ASIC2: variants seen among roughly 807,000 people sequenced by gnomAD.
ASIC2 encodes the protein acid-sensing ion channel 2.
Under a neutral mutation model 57.3 loss-of-function variants are expected in ASIC2, and 25 were observed. That is an observed-to-expected ratio of 0.44 (90% CI 0.32 to 0.61). ASIC2 has a LOEUF of 0.61. Ranked by LOEUF, ASIC2 falls within the 20% of genes least tolerant of loss-of-function variation. The pLI is 0.06. For synonymous variants in ASIC2, 319 were observed against 307.5 expected (o/e 1.04, Z -0.39); for missense variants, 641 against 738.1 (o/e 0.87, Z 1.52).
chr17:33,799,156 C>A (rs1425488180), intron 1 of ASIC2, among the ~76,000 whole-genome samples: 1 of 152,204 alleles, frequency 6.6e-6, no homozygotes, highest in Non-Finnish European at 1.5e-5. Context: ...ACCTTTACGC[C>A]TAGGGCTAGG....
Position 33,660,287 on chromosome 17 carries a change from T to A in ASIC2, c.555+495691A>T, listed in dbSNP as rs190279294. Among the ~76,000 whole-genome samples the A allele has an allele frequency of 2.3e-3, 344 of 152,274 alleles. 2 individuals carry two copies. Among genetic ancestry groups the A allele is most frequent in the South Asian group, 3.7e-3 (18 of 4,822 alleles). ...AAATTTACAAAAAACTATTTTTCTT[T>A]CTTCAACAATAAATTAACCTTAGCT... On this transcript the variant is annotated intron_variant, in intron 1 of 9. Coordinates refer to the ASIC2 transcript ENST00000359872.
At chr17:33,553,294 G>A (rs528913465) in intron 1 of ASIC2, among the ~76,000 whole-genome samples, 12 of 152,108 alleles carry the variant, frequency 7.9e-5, no homozygotes, top group Non-Finnish European at 1.6e-4. Flanking sequence ...GTTTATTTTG[G>A]GCTTTAGAAT....
rs116220536 is a variant in ASIC2, at chr17:34,152,706, C to T, written c.555+3272G>A. 7.7e-3 allele frequency among the ~76,000 whole-genome samples: 1,173 copies of T among 152,244 alleles called. 13 individuals carry two copies. The highest frequency in any genetic ancestry group is 0.027 in the African/African-American group (1,124 of 41,520). ...ACTATCACATGTTAGATGACCAAGT[C>T]GAGGCCTAGAGAGGACGCAAGATAC... is the stretch of plus-strand genomic sequence containing the variant. On this transcript the variant is annotated intron_variant, in intron 1 of 9. Coordinates refer to the ASIC2 transcript ENST00000359872.
chr17:33,626,757 C>T (rs887367220), intron 1 of ASIC2, among the ~76,000 whole-genome samples: 1 of 152,198 alleles, frequency 6.6e-6, no homozygotes, highest in Non-Finnish European at 1.5e-5. Context: ...GCCCCTTGCT[C>T]TCACTCCCTC....
At chr17:33,115,645 G>A (rs2092278038) in intron 1 of ASIC2, among the ~76,000 whole-genome samples, 1 of 152,222 alleles carries the variant, frequency 6.6e-6, no homozygotes, top group South Asian at 2.1e-4. Context: ...TCAGAGAGGT[G>A]CTTGGCTTCT....
chr17:33,797,637 A>T (rs949850812), intron 1 of ASIC2, among the ~76,000 whole-genome samples: 5 of 152,170 alleles, frequency 3.3e-5, no homozygotes, highest in African/African-American at 4.8e-5. Context: ...GGTCCAACAG[A>T]TATTTTATTC....
At chr17:33,932,741 AATATATAT>A (rs1330850946) in intron 1 of ASIC2, 1 of 58,714 alleles carries the variant, frequency 1.7e-5, no homozygotes, top group Non-Finnish European at 3.1e-5. Flanking sequence ...AAAAAAAAAA[AATATATAT>A]ATATATATAT....
rs75395885 is a variant in ASIC2, at chr17:33,594,134, G to A, written c.556-482067C>T. 6.1e-3 allele frequency among the ~76,000 whole-genome samples: 934 copies of A among 152,336 alleles called. 6 individuals are homozygous for A. Among genetic ancestry groups the A allele is most frequent in the Non-Finnish European group, 0.01 (708 of 68,038 alleles). Reference sequence around the variant, plus strand: ...ACACCATTTGCATTGTCTGTTTCATGTGTCTCTGGATTCCAGGCTGCCATT... The same window carrying A: ...ACACCATTTGCATTGTCTGTTTCATATGTCTCTGGATTCCAGGCTGCCATT... On this transcript the variant is annotated intron_variant, in intron 1 of 9. Transcript: ENST00000359872.
At chr17:33,596,535 G>C (rs897673021) in intron 1 of ASIC2, among the ~76,000 whole-genome samples, 2 of 152,156 alleles carry the variant, frequency 1.3e-5, no homozygotes, top group African/African-American at 4.8e-5. Flanking sequence ...TACCTTCCCA[G>C]TTTGCATTCA....
chr17:33,281,120 T>G (rs551139159), intron 1 of ASIC2, among the ~76,000 whole-genome samples: 1 of 152,208 alleles, frequency 6.6e-6, no homozygotes, highest in Non-Finnish European at 1.5e-5. Flanking sequence ...ATTTCAAGCT[T>G]CCCAGTGACC....
At chr17:33,730,197 A>G (rs1484180541) in intron 1 of ASIC2, among the ~76,000 whole-genome samples, 1 of 152,048 alleles carries the variant, frequency 6.6e-6, no homozygotes, top group East Asian at 1.9e-4. Context: ...ATGCTTTCCT[A>G]CCTTTTTTGG....
intron 1 of ASIC2, among the ~76,000 whole-genome samples, chr17:33,223,089 C>G (rs1463826546): frequency 6.6e-6 from 1 of 152,182 alleles, no homozygotes; most frequent in African/African-American, 2.4e-5. Flanking sequence ...CCTAATTAAC[C>G]CTATTTTAGA....
At chr17:33,154,101 G>A (rs1397079520) in intron 1 of ASIC2, among the ~76,000 whole-genome samples, 1 of 152,180 alleles carries the variant, frequency 6.6e-6, no homozygotes, top group African/African-American at 2.4e-5. Context: ...TGCCTGAGAT[G>A]TAGGACCAAG....
At chr17:33,598,070 AC>A (rs1905032538) in intron 1 of ASIC2, among the ~76,000 whole-genome samples, 1 of 152,248 alleles carries the variant, frequency 6.6e-6, no homozygotes, top group Non-Finnish European at 1.5e-5. Flanking sequence ...AGAAGAAACC[AC>A]AATGACCAAC....
chr17:33,638,012 G>A (rs970998418), intron 1 of ASIC2, among the ~76,000 whole-genome samples: 8 of 152,114 alleles, frequency 5.3e-5, no homozygotes, highest in Admixed American at 1.3e-4. Context: ...GGGGGCCACA[G>A]GACTGGTTGA....
chr17:33,096,941 G>A (rs2092182472), intron 2 of ASIC2, among the ~76,000 whole-genome samples: 2 of 152,180 alleles, frequency 1.3e-5, no homozygotes, highest in African/African-American at 2.4e-5. Flanking sequence ...CAAGGTCAGA[G>A]GCCAGCTAAC....
chr17:33,210,037 G>C (rs1171356756), intron 1 of ASIC2, among the ~76,000 whole-genome samples: 1 of 152,218 alleles, frequency 6.6e-6, no homozygotes, highest in Non-Finnish European at 1.5e-5. Context: ...ACAGAGTGCA[G>C]GAGTGTAAGC....
chr17:33,583,838 A>G (rs1213727830), intron 1 of ASIC2, among the ~76,000 whole-genome samples: 1 of 152,200 alleles, frequency 6.6e-6, no homozygotes, highest in Non-Finnish European at 1.5e-5. Context: ...AGCATGGGCA[A>G]TTAAGAATAA....
chr17:33,445,337 A>G (rs1419013076), intron 1 of ASIC2, among the ~76,000 whole-genome samples: 1 of 152,220 alleles, frequency 6.6e-6, no homozygotes, highest in Non-Finnish European at 1.5e-5. Flanking sequence ...AGGCTAAGGC[A>G]CAATAATTGC....
Sources: allele counts gnomAD v4.1 joint callset (sites outside exome capture counted in the v4.1 genomes callset), GRCh38; gene constraint gnomAD v4.1.1; transcripts MANE v1.5; gene names NCBI Gene and HGNC (gene_info 2026-07-23, HGNC 2026-07-21).